Variants in ITGAM observed in about 807,000 individuals in gnomAD.
The protein encoded by ITGAM is integrin alpha-M.
Under a neutral mutation model 137.5 loss-of-function variants are expected in ITGAM, and 79 were observed. The observed-to-expected ratio is 0.57, with a 90% CI of 0.48 to 0.69. The LOEUF (loss-of-function observed/expected upper bound fraction) is 0.69. ITGAM is among the 30% of genes least tolerant of loss of function. The probability of loss-of-function intolerance (pLI) is 0.00; values close to 1 mark genes in which losing one functional copy is unlikely to be tolerated. For synonymous variants in ITGAM, 583 were observed against 592.3 expected (o/e 0.98, Z 0.23); for missense variants, 1,343 against 1,483.5 (o/e 0.91, Z 1.56).
intron 14 of ITGAM, among the ~76,000 whole-genome samples, chr16:31,304,033 T>A (rs1013134386): frequency 2.0e-5 from 3 of 152,182 alleles, no homozygotes; most frequent in Non-Finnish European, 2.9e-5. Flanking sequence ...ATTTAAGGAA[T>A]CTCCATACTG....
chr16:31,288,596 C>T (rs1320913244), intron 12 of ITGAM, among the ~76,000 whole-genome samples: 1 of 151,990 alleles, frequency 6.6e-6, no homozygotes, highest in African/African-American at 2.4e-5. Flanking sequence ...ACACCTTATA[C>T]AAAAATTAAT....
Position 31,311,364 on chromosome 16 carries a change from A to T in ITGAM, c.1708-9877A>T, listed in dbSNP as rs1385100950. ...GAACAGGCAACCTACTGAATGGGAG[A>T]AAATTTTTGCAACCTACTCATCTGA... On this transcript the variant is annotated intron_variant, in intron 14 of 29. Coordinates refer to ENST00000544665, the MANE Select transcript of ITGAM (RefSeq NM_000632.4). 3.3e-5 allele frequency among the ~76,000 whole-genome samples: 5 copies of T among 152,336 alleles called. No homozygotes were observed. In the East Asian group the frequency reaches 9.6e-4, roughly 29 times the overall value.
chr16:31,271,097 G>A lies in ITGAM; in HGVS notation c.558+13G>A, dbSNP rs750511802. ...GTCCAAAACCTTGGTGAGGGCCCAG[G>A]GGTAGGTTAGGGAAGAGCCCACACG... On this transcript the variant is annotated intron_variant, in intron 6 of 29. Transcript: ENST00000544665. The A allele has an allele frequency of 5.8e-6, 9 of 1,544,470 alleles. No homozygotes were observed. Among genetic ancestry groups the A allele is most frequent in the East Asian group, 2.4e-5 (1 of 41,830 alleles).
intron 14 of ITGAM, among the ~76,000 whole-genome samples, chr16:31,307,047 T>C (rs1465477720): frequency 6.6e-6 from 1 of 152,212 alleles, no homozygotes; most frequent in Non-Finnish European, 1.5e-5. Flanking sequence ...TTGGTTACTG[T>C]AGCCTGGTAG....
intron 14 of ITGAM, among the ~76,000 whole-genome samples, chr16:31,311,499 G>T (rs1195436814): frequency 2.0e-5 from 3 of 152,164 alleles, no homozygotes; most frequent in Non-Finnish European, 4.4e-5. Context: ...CTTCTCAAAA[G>T]AAGACATTTA....
At position 31,270,130 on chromosome 16, in the gene ITGAM, C is replaced by CTCCTTTGCTT. The variant is rs1819117266; in HGVS notation, c.428-817_428-808dup. 3.3e-5 allele frequency among the ~76,000 whole-genome samples: 3 copies of CTCCTTTGCTT among 90,748 alleles called. No homozygotes were observed. The East Asian group carries it at 8.2e-4, about 25-fold the overall frequency. The allele number at this position is 90,748 out of a possible 152,430, so 59.5% of individuals were successfully genotyped here. A position where few individuals can be genotyped will look rare whatever the true frequency, so the allele number is the denominator to read the frequency against. On this transcript the variant is annotated intron_variant, in intron 5 of 29. Transcript: ENST00000544665. Reference sequence around the variant, plus strand: ...CCTTCCTTCCTTCCTTCCTTCCTTCCTCCTTTGCTTTCCTTTCCTTTCCTT... The same window carrying CTCCTTTGCTT: ...CCTTCCTTCCTTCCTTCCTTCCTTCCTCCTTTGCTTTCCTTTGCTTTCCTTTCCTTTCCTT...
intron 2 of ITGAM, among the ~76,000 whole-genome samples, chr16:31,263,193 G>A (rs1204400575): frequency 1.3e-5 from 2 of 152,066 alleles, no homozygotes; most frequent in African/African-American, 2.4e-5. Context: ...CACCTGCCTC[G>A]GCCTCCCAAA....
At position 31,261,722 on chromosome 16, in the gene ITGAM, A is replaced by T; in HGVS notation, c.59A>T (p.Asp20Val). 6.2e-7 allele frequency: 1 copy of T among 1,612,704 alleles called. No individual in the cohort carries two copies. Among genetic ancestry groups the T allele is most frequent in the Non-Finnish European group, 8.5e-7 (1 of 1,179,448 alleles). ...ALTLCHGFNL[D>V]TENAMTFQEN... is the part of the protein sequence containing the mutation. ...ACCTTATGTCATGGGTTCAACTTGG[A>T]CACTGAAAACGCAATGACCTTCCAA... The change falls in exon 2 of 30, where the codon GAC becomes GTC. Residue 20 changes from aspartate (D) to valine (V), a missense_variant. Physicochemically the swap from Asp to Val is radical, Grantham distance 152. Transcript: ENST00000544665.
At chr16:31,326,182 A>C (rs2080506515) in intron 21 of ITGAM, among the ~76,000 whole-genome samples, 2 of 152,138 alleles carry the variant, frequency 1.3e-5, no homozygotes, top group African/African-American at 4.8e-5. Flanking sequence ...TCATTACCTC[A>C]CAAAGAGCTT....
At chr16:31,300,014 A>G (rs1020923716) in intron 14 of ITGAM, among the ~76,000 whole-genome samples, 8 of 151,838 alleles carry the variant, frequency 5.3e-5, no homozygotes, top group Non-Finnish European at 1.2e-4. Flanking sequence ...CCATTCCACC[A>G]TGCCTGTCTA....
chr16:31,261,869 C>A (rs1038907796), intron 2 of ITGAM, 72 bp downstream of exon 2: 2 of 845,982 alleles, frequency 2.4e-6, no homozygotes, highest in Non-Finnish European at 1.9e-6. Flanking sequence ...AAAAAATCAG[C>A]GATTTGAGTG....
intron 14 of ITGAM, among the ~76,000 whole-genome samples, chr16:31,301,285 A>C (rs1202665098): frequency 1.3e-5 from 2 of 152,160 alleles, no homozygotes; most frequent in African/African-American, 2.4e-5. Context: ...CTGCATTTGT[A>C]TATCCAGTTT....
At chr16:31,316,692 G>A (rs775942220) in intron 14 of ITGAM, among the ~76,000 whole-genome samples, 6 of 152,034 alleles carry the variant, frequency 3.9e-5, no homozygotes, top group Middle Eastern at 3.2e-3. Flanking sequence ...TGACTCTATC[G>A]ATCACTTTGA....
chr16:31,295,813 G>A (rs1032194228), intron 12 of ITGAM, among the ~76,000 whole-genome samples: 2 of 151,842 alleles, frequency 1.3e-5, no homozygotes, highest in African/African-American at 2.4e-5. Flanking sequence ...TAGTGGTAAA[G>A]CTTTCAATTT....
chr16:31,286,644 C>T (rs2080032680), intron 12 of ITGAM, among the ~76,000 whole-genome samples: 1 of 152,164 alleles, frequency 6.6e-6, no homozygotes, highest in Non-Finnish European at 1.5e-5. Flanking sequence ...ACTTGTATGT[C>T]TTCCTTTGAG....
Position 31,331,338 on chromosome 16 carries a change from TG to T in ITGAM, c.3387+64del, listed in dbSNP as rs1263961056. 3.2e-6 allele frequency: 3 copies of T among 938,414 alleles called. No homozygotes were observed. The African/African-American group carries it at 4.9e-5, about 15-fold the overall frequency. The allele number at this position is 938,414 out of a possible 1,614,324, so 58.1% of individuals were successfully genotyped here. A position where few individuals can be genotyped will look rare whatever the true frequency, so the allele number is the denominator to read the frequency against. On this transcript the variant is annotated intron_variant, in intron 29 of 29. Transcript: ENST00000544665. ...TCTCGGGCCTCGCGCTGCAGCTCCG[TG>T]CCTCGGTTTCCCCGGCGGGGCTGCC...
Position 31,270,742 on chromosome 16 carries a change from T to TATATATATATA in ITGAM, c.428-210_428-209insATATATATAAT, listed in dbSNP as rs1343169219. ...ATATATATATATATATATATATATA[T>TATATATATATA]ATGTTTTTAACGTGTGTATACATAT... On this transcript the variant is annotated intron_variant, in intron 5 of 29. Coordinates refer to ENST00000544665, the MANE Select transcript of ITGAM (RefSeq NM_000632.4). Among the ~76,000 whole-genome samples, 166 of 109,870 alleles carry TATATATATATA rather than the reference T, an allele frequency of 1.5e-3. 6 individuals carry two copies. The highest frequency in any genetic ancestry group is 6.3e-3 in the African/African-American group (159 of 25,220). The allele number at this position is 109,870 out of a possible 152,430, so 72.1% of individuals were successfully genotyped here.
chr16:31,303,834 T>C (rs969133525), intron 14 of ITGAM, among the ~76,000 whole-genome samples: 3 of 152,182 alleles, frequency 2.0e-5, no homozygotes, highest in Admixed American at 6.5e-5. Flanking sequence ...CACACACATA[T>C]ATATAACTTT....
intron 14 of ITGAM, among the ~76,000 whole-genome samples, chr16:31,301,177 C>T (rs1233474528): frequency 6.6e-6 from 1 of 152,116 alleles, no homozygotes; most frequent in Non-Finnish European, 1.5e-5. Context: ...CCAGCTTCTC[C>T]CCTGAGTTTT....
Sources: allele counts gnomAD v4.1 joint callset (sites outside exome capture counted in the v4.1 genomes callset), GRCh38; gene constraint gnomAD v4.1.1; transcripts MANE v1.5; gene names NCBI Gene and HGNC (gene_info 2026-07-23, HGNC 2026-07-21).